Variants in ACCS observed in about 807,000 individuals in gnomAD.
The protein encoded by ACCS is 1-aminocyclopropane-1-carboxylate synthase-like protein 1.
ACCS carries 42 observed loss-of-function variants against 59.8 expected under a neutral mutation model. That is an observed-to-expected ratio of 0.70 (90% CI 0.55 to 0.91). The LOEUF is 0.91. Ranked by LOEUF, ACCS falls within the 40% of genes least tolerant of loss-of-function variation. ACCS has a pLI of 0.00. For synonymous variants in ACCS, 230 were observed against 240.3 expected (o/e 0.96, Z 0.40); for missense variants, 602 against 630.4 (o/e 0.95, Z 0.48).
intron 2 of ACCS, among the ~76,000 whole-genome samples, chr11:44,070,559 CAG>C (rs1953002118): frequency 1.3e-5 from 2 of 152,146 alleles, no homozygotes. Context: ...TGCAGTAACT[CAG>C]GGGTCAGCAG....
Position 44,073,476 on chromosome 11 carries a change from G to A in ACCS, c.378G>A (p.Glu126=). Residue 126 remains glutamate, a synonymous_variant, in exon 4 of 15, where the codon GAG becomes GAA. Transcript: ENST00000263776. ...GTCAGCGCGACATGCAGAGGGTGGA[G>A]CCATCCCTGCTGCAGTATGCTGACT... ...RLSQRDMQRV[E]PSLLQYADWR... is the part of the protein sequence containing the mutation. 1 of 1,609,134 alleles carries A rather than the reference G, an allele frequency of 6.2e-7. No individual in the cohort carries two copies. The highest frequency in any genetic ancestry group is 1.3e-5 in the African/African-American group (1 of 74,972).
In ACCS at chr11:44,084,011, A is replaced by G; in HGVS notation, c.*219A>G. The G allele has an allele frequency of 1.0e-6, 1 of 955,478 alleles. No individual in the cohort carries two copies. Among genetic ancestry groups the G allele is most frequent in the East Asian group, 2.9e-5 (1 of 34,768 alleles). 59.2% of individuals were successfully genotyped at this position (955,478 alleles called of 1,614,324 possible). ...TCCCTCTCTCCTATTAAACAAAACT[A>G]GGAGAGTCCATATGTCTCCATTGTG... On this transcript the variant is annotated 3_prime_UTR_variant, in exon 15 of 15. Coordinates refer to ENST00000263776, the MANE Select transcript of ACCS (RefSeq NM_032592.4).
chr11:44,075,736 T>G, intron 6 of ACCS, 144 bp downstream of exon 6: 1 of 972,208 alleles, frequency 1.0e-6, no homozygotes, highest in South Asian at 1.8e-5. Flanking sequence ...ATAAGTGGCT[T>G]GACAAAGCAC....
At position 44,068,521 on chromosome 11, in the gene ACCS, CT is replaced by C. The variant is rs571480651; in HGVS notation, c.288+608del. On this transcript the variant is annotated intron_variant, in intron 2 of 14. Coordinates refer to ENST00000263776, the MANE Select transcript of ACCS (RefSeq NM_032592.4). ...TGGGGAGGCTGAGGTGGAAGGATTGCTTGAACCTGGAAGGTTGAGACTATAG... is the reference window on the plus strand; with the variant it reads ...TGGGGAGGCTGAGGTGGAAGGATTGCTGAACCTGGAAGGTTGAGACTATAG... Among the ~76,000 whole-genome samples the C allele has an allele frequency of 3.9e-3, 590 of 152,324 alleles. 3 individuals carry two copies. Among genetic ancestry groups the C allele is most frequent in the Non-Finnish European group, 5.6e-3 (384 of 68,024 alleles).
chr11:44,079,890 T>C (rs1953559001), intron 10 of ACCS, among the ~76,000 whole-genome samples: 1 of 152,246 alleles, frequency 6.6e-6, no homozygotes, highest in African/African-American at 2.4e-5. Context: ...TTGGCCTCTT[T>C]GCTGTTTCCT....
At chr11:44,077,201 G>A (rs2074041) in intron 6 of ACCS, 78 bp from the exon 7 acceptor site, 167,494 of 1,463,180 alleles carry the variant, frequency 0.11, 9,940 homozygotes, top group Middle Eastern at 0.16. Flanking sequence ...GGCTTGGAGA[G>A]GGACTGGGGA....
In ACCS at chr11:44,081,321, G is replaced by A; in HGVS notation, c.1111+1G>A. The A allele has an allele frequency of 1.2e-6, 2 of 1,613,588 alleles. No homozygotes were observed. Among genetic ancestry groups the A allele is most frequent in the Non-Finnish European group, 1.7e-6 (2 of 1,179,612 alleles). ...ATGGCACAGCTGCTCCGGGACCGTGGTGACTGCCTGGGCCTGGTGACCTGA... is the reference window on the plus strand; with the variant it reads ...ATGGCACAGCTGCTCCGGGACCGTGATGACTGCCTGGGCCTGGTGACCTGA... On this transcript the variant is annotated splice_donor_variant, in intron 12 of 14. Transcript: ENST00000263776. LOFTEE classifies it high-confidence loss of function.
At chr11:44,073,547 C>T (rs866587255) in intron 4 of ACCS, 30 bp downstream of exon 4, 2 of 1,575,344 alleles carry the variant, frequency 1.3e-6, no homozygotes, top group Middle Eastern at 1.7e-4. Flanking sequence ...TGAGTTTGTC[C>T]CCCTGGGGAT....
intron 5 of ACCS, among the ~76,000 whole-genome samples, 199 bp from the exon 6 acceptor site, chr11:44,075,327 C>T (rs1953303615): frequency 6.6e-6 from 1 of 152,200 alleles, no homozygotes; most frequent in African/African-American, 2.4e-5. Context: ...TGACCAGCCC[C>T]CTCTTCCTGG....
intron 5 of ACCS, 53 bp downstream of exon 5, chr11:44,074,734 CTCTTTCTTTCTT>C (rs202091203): frequency 0.057 from 31,112 of 547,146 alleles, 1,423 homozygotes; most frequent in Non-Finnish European, 0.064. Context: ...CCCTCTCCAT[CTCTTTCTTTCTT>C]TCTTTCTTTC....
At chr11:44,069,724 T>C (rs1303600599) in intron 2 of ACCS, among the ~76,000 whole-genome samples, 2 of 152,210 alleles carry the variant, frequency 1.3e-5, no homozygotes, top group Non-Finnish European at 2.9e-5. Context: ...CCTCATGGCA[T>C]GGTAGCTGGC....
At chr11:44,071,917 TA>T (rs974771945) in intron 3 of ACCS, among the ~76,000 whole-genome samples, 7 of 152,234 alleles carry the variant, frequency 4.6e-5, no homozygotes, top group African/African-American at 1.7e-4. Flanking sequence ...ATTTGCTTTT[TA>T]AAAGTGGCTG....
At chr11:44,082,298 T>C (rs1953675929) in intron 12 of ACCS, 1 of 152,214 alleles carries the variant, frequency 6.6e-6, no homozygotes, top group Admixed American at 6.5e-5. Flanking sequence ...TTGACCTTGA[T>C]GGTCACCCAA....
chr11:44,079,136 C>T (rs1413184502), intron 9 of ACCS: 1 of 373,454 alleles, frequency 2.7e-6, no homozygotes, highest in African/African-American at 2.0e-5. Context: ...ATCCTTACAA[C>T]AATCCTTACA....
In ACCS at chr11:44,081,212, C is replaced by T. The variant is rs768052699; in HGVS notation, c.1003C>T (p.Leu335=). ...FGMSGLRFGT[L]YTENQDVATA... is the part of the protein sequence containing the mutation. ...GATGTCTGGGCTCCGCTTTGGCACG[C>T]TGTACACAGAAAACCAGGATGTGGC... Residue 335 remains leucine, a synonymous_variant, in exon 12 of 15, where the codon CTG becomes TTG. Coordinates refer to ENST00000263776, the MANE Select transcript of ACCS (RefSeq NM_032592.4). The T allele has an allele frequency of 6.2e-7, 1 of 1,614,126 alleles. No homozygotes were observed. The highest frequency in any genetic ancestry group is 1.3e-5 in the African/African-American group (1 of 74,928).
chr11:44,078,808 G>A (rs765945196), intron 9 of ACCS, 24 bp downstream of exon 9: 20 of 1,606,258 alleles, frequency 1.2e-5, no homozygotes, highest in Admixed American at 3.3e-5. Flanking sequence ...CACTGGCCCC[G>A]ACAGAGCGTC....
intron 2 of ACCS, 41 bp from the exon 3 acceptor site, chr11:44,071,215 C>T (rs758836441): frequency 1.2e-6 from 2 of 1,609,696 alleles, no homozygotes; most frequent in Admixed American, 1.7e-5. Context: ...ACTGGCACCC[C>T]CCTGCCATGC....
chr11:44,072,451 C>T (rs112983447), intron 3 of ACCS: 17,510 of 152,016 alleles, frequency 0.12, 1,013 homozygotes, highest in Middle Eastern at 0.18. Flanking sequence ...CCACTGCACC[C>T]GGCCAGGGAA....
In ACCS at chr11:44,083,455, T is replaced by G. The variant is rs1331256873; in HGVS notation, c.1286T>G (p.Met429Arg). ...CCCAAGGGCACCTTTGAGGAGGAAA[T>G]GCTGCTCTGGCGCCGCTTTTTGGAC... ...YLPKGTFEEE[M>R]LLWRRFLDNK... is the part of the protein sequence containing the mutation. The change falls in exon 14 of 15, where the codon ATG (methionine) becomes AGG (arginine). Residue 429 changes from methionine to arginine, a missense_variant. By Grantham distance (91) the Met-to-Arg change is moderately conservative. Transcript: ENST00000263776. The G allele has an allele frequency of 3.7e-6, 6 of 1,614,078 alleles. No homozygotes were observed. The Admixed American group carries it at 1.0e-4, about 27-fold the overall frequency.
Sources: gnomAD v4.1 joint callset for allele counts (sites outside exome capture counted in the v4.1 genomes callset) on GRCh38, gnomAD v4.1.1 for gene constraint, MANE v1.5 for transcripts, NCBI Gene and HGNC (gene_info 2026-07-23, HGNC 2026-07-21) for gene names.